The following HEATR4 variants were observed in gnomAD, a reference collection of about 807,000 sequenced individuals.
HEATR4 encodes HEAT repeat containing 4, also known as HEAT repeat-containing protein 4.
A neutral mutation model predicts 108.8 loss-of-function variants in HEATR4; 95 were observed. The ratio of observed to expected loss-of-function variants is 0.87; its 90% confidence interval spans 0.74 to 1.04. The LOEUF is 1.04. Ranked by LOEUF, HEATR4 falls within the 50% of genes least tolerant of loss-of-function variation. The pLI, the probability that HEATR4 is intolerant of heterozygous loss-of-function variation, is 0.00. For synonymous variants in HEATR4, 443 were observed against 459.4 expected (o/e 0.96, Z 0.46); for missense variants, 1,152 against 1,253.8 (o/e 0.92, Z 1.23).
At chr14:73,574,658 G>A in the HEATR4 span, among the ~76,000 whole-genome samples, 5 of 152,008 alleles carry the variant, frequency 3.3e-5, no homozygotes, top group South Asian at 2.1e-4. Context: ...TGGGAGATAC[G>A]AGATTAAGGA....
At chr14:73,630,667 A>C in the HEATR4 span, among the ~76,000 whole-genome samples, 1 of 152,216 alleles carries the variant, frequency 6.6e-6, no homozygotes, top group Non-Finnish European at 1.5e-5. Flanking sequence ...AAGGTAGATC[A>C]GATCATTTGT....
chr14:73,621,489 A>G, the HEATR4 span, among the ~76,000 whole-genome samples: 13 of 152,198 alleles, frequency 8.5e-5, no homozygotes, highest in African/African-American at 3.1e-4. Flanking sequence ...GCCTCAACCT[A>G]CTGCAGTATA....
At chr14:73,573,112 G>A in the HEATR4 span, among the ~76,000 whole-genome samples, 1 of 151,808 alleles carries the variant, frequency 6.6e-6, no homozygotes, top group Middle Eastern at 3.4e-3. Context: ...CTTCTATGTA[G>A]CAGTCTTTCT....
chr14:73,623,055 T>C, the HEATR4 span, among the ~76,000 whole-genome samples: 1 of 151,902 alleles, frequency 6.6e-6, no homozygotes, highest in South Asian at 2.1e-4. Flanking sequence ...AATACAGGCA[T>C]GCACCACCAT....
rs767165747 is a variant in HEATR4 at position 73,492,210 on chromosome 14, A to G, written c.2844+856T>C. 4 of 1,613,806 alleles carry G rather than the reference A, an allele frequency of 2.5e-6. No individual in the cohort carries two copies. Among genetic ancestry groups the G allele is most frequent in the Non-Finnish European group, 3.4e-6 (4 of 1,179,854 alleles). On this transcript the variant is annotated intron_variant, in intron 17 of 17. Transcript: ENST00000553558. This position sits in a 1 kb window ranked among gnomAD's most constrained non-coding sequence, Gnocchi z 4.9. ...GTGCTGGAACCTGGAGATTTGCTGT[A>G]TTTTCCTCGGGGCTTCATTCACCAA...
the HEATR4 span, chr14:73,569,389 T>C: frequency 9.9e-6 from 16 of 1,613,868 alleles, no homozygotes; most frequent in African/African-American, 5.3e-5. Flanking sequence ...TCTCCACAGC[T>C]GAGGCAGGTT....
At chr14:73,570,793 T>C in the HEATR4 span, among the ~76,000 whole-genome samples, 2 of 149,642 alleles carry the variant, frequency 1.3e-5, no homozygotes, top group South Asian at 2.1e-4. Context: ...TAGTCCCAAC[T>C]ACTTAGGAGG....
chr14:73,619,904 C>G, the HEATR4 span: 16 of 1,306,700 alleles, frequency 1.2e-5, no homozygotes, highest in African/African-American at 1.9e-4. Flanking sequence ...GTTGGGTTTT[C>G]TTTCTTTCTT....
chr14:73,488,247 T>C (rs1885528252), intron 17 of HEATR4, among the ~76,000 whole-genome samples: 1 of 152,146 alleles, frequency 6.6e-6, no homozygotes, highest in African/African-American at 2.4e-5. Context: ...GCTGCTCTCA[T>C]GATGGTGGTT....
chr14:73,597,093 TA>T, the HEATR4 span, among the ~76,000 whole-genome samples: 2 of 151,892 alleles, frequency 1.3e-5, no homozygotes, highest in South Asian at 2.1e-4. Context: ...TTTATTTATT[TA>T]TTTTTTTGAG....
intron 10 of HEATR4, among the ~76,000 whole-genome samples, chr14:73,505,466 G>A (rs12100682): frequency 0.025 from 3,743 of 151,610 alleles, 163 homozygotes; most frequent in African/African-American, 0.086. Context: ...GTGCGATCTC[G>A]GCTCACTGCA....
the HEATR4 span, among the ~76,000 whole-genome samples, chr14:73,576,876 T>C: frequency 2.7e-5 from 4 of 149,354 alleles, no homozygotes; most frequent in Non-Finnish European, 4.5e-5. Flanking sequence ...GTTTTTTTTT[T>C]AAACCTTAGT....
Position 73,508,247 on chromosome 14 carries a change from C to T in HEATR4, c.1768G>A (p.Gly590Ser), listed in dbSNP as rs199865768. ...TTAATCACAGGGTAAGTAGCAGTAC[C>T]TTCCAGAGCCAAGCACTGAGCTGCA... is the stretch of plus-strand genomic sequence containing the variant. ...WAAAQCLALE[G>S]TATYPVIKRI... Residue 590 changes from glycine (G) to serine (S), a missense_variant, in exon 9 of 18, where the codon GGT becomes AGT. Coordinates refer to ENST00000553558, the MANE Select transcript of HEATR4 (RefSeq NM_001220484.1). 2.4e-5 allele frequency: 38 copies of T among 1,613,986 alleles called. No homozygotes were observed. The Middle Eastern group carries it at 1.5e-3, about 63-fold the overall frequency.
At chr14:73,595,086 T>C in the HEATR4 span, 1 of 1,614,144 alleles carries the variant, frequency 6.2e-7, no homozygotes. Context: ...GGCATTTCTC[T>C]AGGAGCTGAT....
At chr14:73,611,607 A>C in the HEATR4 span, 1 of 152,230 alleles carries the variant, frequency 6.6e-6, no homozygotes, top group Admixed American at 6.5e-5. Flanking sequence ...GGTAAGAAAC[A>C]AAACAAAACT....
At chr14:73,497,747 C>T (rs1886190476) in intron 14 of HEATR4, among the ~76,000 whole-genome samples, 1 of 152,194 alleles carries the variant, frequency 6.6e-6, no homozygotes, top group South Asian at 2.1e-4. Context: ...CTGCCTCAGC[C>T]TCCCTAGTAG....
the HEATR4 span, among the ~76,000 whole-genome samples, chr14:73,617,463 T>G: frequency 6.6e-6 from 1 of 152,072 alleles, no homozygotes; most frequent in Non-Finnish European, 1.5e-5. Flanking sequence ...AAAAAAGTTT[T>G]TGTACTAGGA....
At chr14:73,563,920 G>C (rs1889566122), upstream of HEATR4, among the ~76,000 whole-genome samples, 1 of 151,792 alleles carries the variant, frequency 6.6e-6, no homozygotes, top group Non-Finnish European at 1.5e-5. Flanking sequence ...AGGATCCTTT[G>C]AACCCAGGAG....
chr14:73,513,235 G>A (rs149025683), intron 6 of HEATR4, among the ~76,000 whole-genome samples: 1,846 of 152,306 alleles, frequency 0.012, 32 homozygotes, highest in African/African-American at 0.043. Context: ...AAGGCGGGGA[G>A]ATCACCTGAA....
Sources: allele counts gnomAD v4.1 joint callset (sites outside exome capture counted in the v4.1 genomes callset), GRCh38; gene constraint gnomAD v4.1.1; non-coding constraint Gnocchi (gnomAD v3.1); transcripts MANE v1.5; gene names NCBI Gene and HGNC (gene_info 2026-07-23, HGNC 2026-07-21).